Variants in FAM227B observed in about 807,000 individuals in gnomAD.
FAM227B encodes the protein family with sequence similarity 227 member B.
Under a neutral mutation model 73.8 loss-of-function variants are expected in FAM227B, and 88 were observed. The observed-to-expected ratio is 1.19, with a 90% CI of 1.00 to 1.42. FAM227B has a LOEUF of 1.42. Among genes scored for constraint, FAM227B ranks in the 40% most tolerant of loss-of-function variants. The probability of loss-of-function intolerance (pLI) is 0.00; values close to 1 mark genes in which losing one functional copy is unlikely to be tolerated. For missense variants in FAM227B, 632 were observed against 590.9 expected (o/e 1.07, Z -0.72); for synonymous variants, 210 against 190.5 (o/e 1.10, Z -0.84).
At chr15:49,406,156 C>T (rs912480810) in intron 11 of FAM227B, among the ~76,000 whole-genome samples, 1 of 152,272 alleles carries the variant, frequency 6.6e-6, no homozygotes, top group South Asian at 2.1e-4. Context: ...CTGGTCACTG[C>T]ATTCTGATGG....
At chr15:49,349,251 T>G in intron 13 of FAM227B, among the ~76,000 whole-genome samples, 1 of 152,136 alleles carries the variant, frequency 6.6e-6, no homozygotes, top group East Asian at 1.9e-4. Flanking sequence ...ATACTCATAC[T>G]CATTCATGTG....
At chr15:49,389,586 GTAA>G (rs1412398685) in intron 11 of FAM227B, among the ~76,000 whole-genome samples, 11 of 149,182 alleles carry the variant, frequency 7.4e-5, no homozygotes, top group Non-Finnish European at 1.5e-4. Context: ...TCAGCACTAT[GTAA>G]TTCATCCATC....
At chr15:49,421,161 A>C (rs2049595995) in intron 11 of FAM227B, among the ~76,000 whole-genome samples, 1 of 152,246 alleles carries the variant, frequency 6.6e-6, no homozygotes, top group Non-Finnish European at 1.5e-5. Flanking sequence ...TGTATAACTT[A>C]AAACATCCAG....
At chr15:49,597,533 G>C (rs2076952973) in intron 3 of FAM227B, among the ~76,000 whole-genome samples, 1 of 151,732 alleles carries the variant, frequency 6.6e-6, no homozygotes, top group Non-Finnish European at 1.5e-5. Context: ...AGCACAAGAA[G>C]ACAATCTAAG....
At chr15:49,345,115 C>T (rs1192168013) in intron 13 of FAM227B, among the ~76,000 whole-genome samples, 2 of 152,114 alleles carry the variant, frequency 1.3e-5, no homozygotes, top group Non-Finnish European at 2.9e-5. Flanking sequence ...AGTATCATTT[C>T]CATGATTATT....
intron 5 of FAM227B, among the ~76,000 whole-genome samples, chr15:49,581,869 A>C (rs1373519322): frequency 1.3e-5 from 2 of 152,148 alleles, no homozygotes; most frequent in African/African-American, 4.8e-5. Context: ...CCACACAATC[A>C]AGTCTGCATA....
intron 13 of FAM227B, among the ~76,000 whole-genome samples, chr15:49,354,311 T>C (rs1284923460): frequency 6.6e-6 from 1 of 152,162 alleles, no homozygotes; most frequent in African/African-American, 2.4e-5. Flanking sequence ...AGACGGGTGA[T>C]TTCTGCATTT....
intron 11 of FAM227B, among the ~76,000 whole-genome samples, chr15:49,497,531 T>TGGGG (rs2057732994): frequency 6.6e-6 from 1 of 152,210 alleles, no homozygotes; most frequent in Non-Finnish European, 1.5e-5. Flanking sequence ...AGGCACTCAC[T>TGGGG]GACCACTAAC....
In FAM227B at chr15:49,328,374, G is replaced by A; in HGVS notation, c.*194C>T. 7.0e-7 allele frequency: 1 copy of A among 1,430,736 alleles called. No individual in the cohort carries two copies. The highest frequency in any genetic ancestry group is 1.6e-5 in the South Asian group (1 of 63,854). The allele number at this position is 1,430,736 out of a possible 1,614,324, so 88.6% of individuals were successfully genotyped here. A position where few individuals can be genotyped will look rare whatever the true frequency, so the allele number is the denominator to read the frequency against. On this transcript the variant is annotated 3_prime_UTR_variant, in exon 16 of 16. Transcript: ENST00000299338. ...ATATGGTTTTACTATTAAGAGCCAAGATCATGCTTGGACAGATCTTTTAAG... is the reference window on the plus strand; with the variant it reads ...ATATGGTTTTACTATTAAGAGCCAAAATCATGCTTGGACAGATCTTTTAAG...
intron 3 of FAM227B, among the ~76,000 whole-genome samples, chr15:49,595,429 C>T (rs577229892): frequency 6.6e-6 from 1 of 151,952 alleles, no homozygotes; most frequent in African/African-American, 2.4e-5. Context: ...TATTTGGATG[C>T]CCCTATTTCT....
chr15:49,501,594 C>G (rs1008083344), intron 11 of FAM227B, among the ~76,000 whole-genome samples: 4 of 152,144 alleles, frequency 2.6e-5, no homozygotes, highest in African/African-American at 9.7e-5. Context: ...TATATTTAAA[C>G]AGGAAGCATA....
chr15:49,483,937 G>A (rs577693553), intron 11 of FAM227B, among the ~76,000 whole-genome samples: 2 of 152,146 alleles, frequency 1.3e-5, no homozygotes, highest in South Asian at 4.1e-4. Context: ...GGGAGGCAGA[G>A]GTTCTGCTAA....
intron 10 of FAM227B, among the ~76,000 whole-genome samples, chr15:49,523,022 C>A (rs72729155): frequency 0.071 from 9,558 of 134,254 alleles, 366 homozygotes; most frequent in East Asian, 0.14. Flanking sequence ...AGTACTCAGA[C>A]TCTCTTTCTT....
intron 11 of FAM227B, among the ~76,000 whole-genome samples, chr15:49,503,583 AAAAC>A (rs1397892523): frequency 2.0e-5 from 3 of 152,212 alleles, no homozygotes; most frequent in East Asian, 1.9e-4. Flanking sequence ...TTACAAGAAA[AAAAC>A]AAACAACCCC....
At chr15:49,370,207 C>T (rs1290735559) in intron 12 of FAM227B, among the ~76,000 whole-genome samples, 1 of 152,110 alleles carries the variant, frequency 6.6e-6, no homozygotes, top group African/African-American at 2.4e-5. Flanking sequence ...TACAATGGGA[C>T]AGGGCAAAAA....
intron 10 of FAM227B, among the ~76,000 whole-genome samples, chr15:49,515,002 G>A (rs979223522): frequency 6.6e-6 from 1 of 152,064 alleles, no homozygotes; most frequent in African/African-American, 2.4e-5. Flanking sequence ...ACAAATTTTT[G>A]AAAAGACCAC....
At chr15:49,567,168 G>T (rs2074723887) in intron 9 of FAM227B, among the ~76,000 whole-genome samples, 1 of 152,082 alleles carries the variant, frequency 6.6e-6, no homozygotes, top group African/African-American at 2.4e-5. Context: ...AGCAGAAACA[G>T]CTGTTTTTGT....
intron 10 of FAM227B, among the ~76,000 whole-genome samples, chr15:49,512,081 G>C (rs1410234662): frequency 1.3e-5 from 2 of 152,010 alleles, no homozygotes; most frequent in African/African-American, 2.4e-5. Flanking sequence ...CAGTTCTGGG[G>C]TACATGTGCA....
chr15:49,337,761 C>G (rs2040018279), intron 13 of FAM227B, among the ~76,000 whole-genome samples: 1 of 151,696 alleles, frequency 6.6e-6, no homozygotes, highest in South Asian at 2.1e-4. Context: ...TGAGTGAGAA[C>G]ATGCAATGTT....
Sources: allele counts gnomAD v4.1 joint callset (sites outside exome capture counted in the v4.1 genomes callset), GRCh38; gene constraint gnomAD v4.1.1; transcripts MANE v1.5; gene names NCBI Gene and HGNC (gene_info 2026-07-23, HGNC 2026-07-21).